The following RGS11 variants were observed in gnomAD, a reference collection of about 807,000 sequenced individuals.
RGS11 encodes regulator of G-protein signaling 11.
RGS11 carries 86 observed loss-of-function variants against 71.1 expected under a neutral mutation model. The observed-to-expected ratio is 1.21, with a 90% confidence interval of 1.02 to 1.45. RGS11 has a LOEUF of 1.45. Ranked by LOEUF, RGS11 falls within the 40% of genes most tolerant of loss-of-function variation. The probability of loss-of-function intolerance (pLI) is 0.00; values close to 1 mark genes in which losing one functional copy is unlikely to be tolerated. For missense variants in RGS11, 734 were observed against 635.1 expected, an observed-to-expected ratio of 1.16 and a Z score of -1.67; for synonymous variants, 298 against 254.2, an observed-to-expected ratio of 1.17 and a Z score of -1.64.
At position 268,597 on chromosome 16, in the gene RGS11, A is replaced by G. The variant is rs1337365827; in HGVS notation, c.*672T>C. 1.6e-6 allele frequency: 1 copy of G among 630,624 alleles called. No individual in the cohort carries two copies. The highest frequency in any genetic ancestry group is 2.8e-6 in the Non-Finnish European group (1 of 357,814). The allele number at this position is 630,624 out of a possible 1,614,324, so 39.1% of individuals were successfully genotyped here. On this transcript the variant is annotated 3_prime_UTR_variant, in exon 17 of 17. Coordinates refer to ENST00000397770, the MANE Select transcript of RGS11 (RefSeq NM_183337.3). ...AATCGGGCCTCGTCAGTGGGGTGAC[A>G]ATGTCAGAGTTGTCTATAAATCGGG...
chr16:275,763 G>A (rs1401521705), intron 1 of RGS11, 86 bp downstream of exon 1: 1 of 238,180 alleles, frequency 4.2e-6, no homozygotes, highest in Non-Finnish European at 5.6e-6. Context: ...CGCCCCGCGC[G>A]CCCCCGTGTC....
chr16:275,590 A>C, intron 1 of RGS11, 92 bp from the exon 2 acceptor site: 1 of 1,125,348 alleles, frequency 8.9e-7, no homozygotes, highest in Non-Finnish European at 1.2e-6. Flanking sequence ...GGGAGCGCGG[A>C]GATTAACGCG....
At chr16:271,926 T>C in intron 9 of RGS11, 1 of 322,476 alleles carries the variant, frequency 3.1e-6, no homozygotes, top group Non-Finnish European at 5.8e-6. Context: ...AACCTCCGCC[T>C]CCTGGATTCA....
intron 13 of RGS11, 42 bp downstream of exon 13, chr16:270,942 G>C (rs1188261534): frequency 1.9e-6 from 3 of 1,570,234 alleles, no homozygotes; most frequent in Non-Finnish European, 2.6e-6. Context: ...CCAGGCAGCA[G>C]CCTCCCCGCT....
intron 9 of RGS11, chr16:272,555 C>G: frequency 6.9e-7 from 1 of 1,443,866 alleles, no homozygotes; most frequent in Non-Finnish European, 9.2e-7. Flanking sequence ...GCTTGTCACC[C>G]CTCCAATTCC....
Position 269,164 on chromosome 16 carries a change from G to T in RGS11, c.*105C>A. 2.1e-6 allele frequency: 2 copies of T among 971,954 alleles called. No homozygotes were observed. The highest frequency in any genetic ancestry group is 3.2e-6 in the Non-Finnish European group (2 of 621,344). The allele number at this position is 971,954 out of a possible 1,614,324, so 60.2% of individuals were successfully genotyped here. On this transcript the variant is annotated 3_prime_UTR_variant, in exon 17 of 17. Transcript: ENST00000397770. ...CCCCTGGGCACAAGGGGACACTGGT[G>T]CTGGGTTCAGCAGCCCCCAGGACCT...
At chr16:275,787 G>A in intron 1 of RGS11, 62 bp downstream of exon 1, 1 of 527,420 alleles carries the variant, frequency 1.9e-6, no homozygotes, top group East Asian at 5.5e-5. Flanking sequence ...ATGCTCTCCG[G>A]CCCCTCCCGG....
chr16:270,203 C>G (rs140238858), intron 15 of RGS11, among the ~76,000 whole-genome samples: 16,347 of 151,578 alleles, frequency 0.11, 1,150 homozygotes, highest in East Asian at 0.31. Context: ...GAGCCGAGAT[C>G]CCGCCACTGC....
chr16:275,469 G>T lies in RGS11; in HGVS notation c.93C>A (p.Asp31Glu). 3 of 1,589,354 alleles carry T rather than the reference G, an allele frequency of 1.9e-6. No individual in the cohort carries two copies. The highest frequency in any genetic ancestry group is 1.7e-6 in the Non-Finnish European group (2 of 1,175,324). The change falls in exon 2 of 17, where the codon GAC becomes GAA. Residue 31 changes from aspartate to glutamate, a missense_variant. Transcript: ENST00000397770. ...KMERVVVSMQDPDQGVKMRSQ... is the reference protein window; with the variant it reads ...KMERVVVSMQEPDQGVKMRSQ... ...TCCGCATCTTCACGCCCTGGTCGGG[G>T]TCCTGCATGCTCACGACCACCCGCT...
Position 273,746 on chromosome 16 carries a change from G to C in RGS11, c.506+14C>G. 6.2e-7 allele frequency: 1 copy of C among 1,609,372 alleles called. No homozygotes were observed. Among genetic ancestry groups the C allele is most frequent in the Non-Finnish European group, 8.5e-7 (1 of 1,177,228 alleles). ...GGGCGCCTGCAGGCGGGGCGGGGCA[G>C]GGCGGGGCCTCACCTCAGCTGCTCC... On this transcript the variant is annotated intron_variant, in intron 7 of 16. Coordinates refer to ENST00000397770, the MANE Select transcript of RGS11 (RefSeq NM_183337.3).
In RGS11 at chr16:273,750, G is replaced by A. The variant is rs552857265; in HGVS notation, c.506+10C>T. ...GCCTGCAGGCGGGGCGGGGCAGGGCGGGGCCTCACCTCAGCTGCTCCCTCG... is the reference window on the plus strand; with the variant it reads ...GCCTGCAGGCGGGGCGGGGCAGGGCAGGGCCTCACCTCAGCTGCTCCCTCG... On this transcript the variant is annotated intron_variant, in intron 7 of 16. Transcript: ENST00000397770. 90 of 1,610,406 alleles carry A rather than the reference G, an allele frequency of 5.6e-5. No individual in the cohort carries two copies. Among genetic ancestry groups the A allele is most frequent in the African/African-American group, 2.9e-4 (22 of 75,004 alleles).
At chr16:270,459 G>GTGGGGACA in intron 15 of RGS11, 64 bp downstream of exon 15, 1 of 1,512,098 alleles carries the variant, frequency 6.6e-7, no homozygotes, top group Non-Finnish European at 8.9e-7. Flanking sequence ...GCCCTTGAGG[G>GTGGGGACA]TGGGGACATG....
chr16:275,795 C>A, intron 1 of RGS11, 54 bp downstream of exon 1: 1 of 691,912 alleles, frequency 1.4e-6, no homozygotes, highest in Non-Finnish European at 1.9e-6. Context: ...CGGCCCCTCC[C>A]GGCCTCGGGC....
chr16:275,788 C>A, intron 1 of RGS11, 61 bp downstream of exon 1: 1 of 575,734 alleles, frequency 1.7e-6, no homozygotes, highest in South Asian at 5.6e-5. Context: ...TGCTCTCCGG[C>A]CCCTCCCGGC....
At position 275,497 on chromosome 16, in the gene RGS11, A is replaced by T. The variant is rs1216869628; in HGVS notation, c.65T>A (p.Met22Lys). 8 of 1,565,866 alleles carry T rather than the reference A, an allele frequency of 5.1e-6. No homozygotes were observed. Among genetic ancestry groups the T allele is most frequent in the Non-Finnish European group, 6.9e-6 (8 of 1,163,150 alleles). The change falls in exon 2 of 17, where the codon ATG (methionine) becomes AAG (lysine). Residue 22 changes from methionine to lysine, a missense_variant and splice_region_variant. Met to Lys is a moderately conservative substitution (Grantham distance 95). Coordinates refer to ENST00000397770, the MANE Select transcript of RGS11 (RefSeq NM_183337.3). ...CTGCATGCTCACGACCACCCGCTCC[A>T]TCTGGGCGGAGGGAGTCGTCAGGGG... ...PRAQMPHLRK[M>K]ERVVVSMQDP...
At chr16:275,762 C>T (rs1452484972) in intron 1 of RGS11, 87 bp downstream of exon 1, 1 of 246,534 alleles carries the variant, frequency 4.1e-6, no homozygotes, top group African/African-American at 2.4e-4. Flanking sequence ...CCGCCCCGCG[C>T]GCCCCCGTGT....
chr16:275,614 T>C lies in RGS11; in HGVS notation c.64-116A>G, dbSNP rs150803572. 2,616 of 920,042 alleles carry C rather than the reference T, an allele frequency of 2.8e-3. 10 individuals are homozygous for C. Among genetic ancestry groups the C allele is most frequent in the Middle Eastern group, 5.9e-3 (17 of 2,884 alleles). 57.0% of individuals were successfully genotyped at this position (920,042 alleles called of 1,614,324 possible). On this transcript the variant is annotated intron_variant, in intron 1 of 16. Transcript: ENST00000397770. Reference sequence around the variant, plus strand: ...GAGATTAACGCGCGGCGGCGGCGGATTCCAGGCCGCAGCTGGCGGCGGGGA... The same window carrying C: ...GAGATTAACGCGCGGCGGCGGCGGACTCCAGGCCGCAGCTGGCGGCGGGGA...
Position 275,832 on chromosome 16 carries a change from A to G in RGS11, c.63+17T>C. On this transcript the variant is annotated intron_variant, in intron 1 of 16. Coordinates refer to ENST00000397770, the MANE Select transcript of RGS11 (RefSeq NM_183337.3). ...CCGGGAAATCGGGGGACGGCGGGAC[A>G]CCCACCCGCCTCGCACCTTCCTCAG... The G allele has an allele frequency of 9.5e-7, 1 of 1,048,334 alleles. No individual in the cohort carries two copies. The highest frequency in any genetic ancestry group is 1.2e-6 in the Non-Finnish European group (1 of 843,176). 64.9% of individuals were successfully genotyped at this position (1,048,334 alleles called of 1,614,324 possible).
Position 275,917 on chromosome 16 carries a change from C to CA in RGS11, c.-7_-6insT. The stretch of plus-strand genomic sequence containing the variant: ...GGCGCGGGGCCGGCGGCCATGGCTG[C>CA]GGGGCGAGGCCGGCGGGGATGACCG... On this transcript the variant is annotated 5_prime_UTR_variant, in exon 1 of 17. Transcript: ENST00000397770. 1 of 685,650 alleles carries CA rather than the reference C, an allele frequency of 1.5e-6. No individual in the cohort carries two copies. The highest frequency in any genetic ancestry group is 1.8e-6 in the Non-Finnish European group (1 of 560,792). The allele number at this position is 685,650 out of a possible 1,614,324, so 42.5% of individuals were successfully genotyped here.
Sources: gnomAD v4.1 joint callset for allele counts (sites outside exome capture counted in the v4.1 genomes callset) on GRCh38, gnomAD v4.1.1 for gene constraint, MANE v1.5 for transcripts, NCBI Gene and HGNC (gene_info 2026-07-23, HGNC 2026-07-21) for gene names.